ADAMTS17: variants seen among roughly 807,000 people sequenced by gnomAD.
ADAMTS17 encodes ADAM metallopeptidase with thrombospondin type 1 motif 17, also known as A disintegrin and metalloproteinase with thrombospondin motifs 17.
ADAMTS17 carries 113 observed loss-of-function variants against 141.5 expected under a neutral mutation model. The ratio of observed to expected loss-of-function variants is 0.80; its 90% CI spans 0.69 to 0.93. The LOEUF (loss-of-function observed/expected upper bound fraction) is 0.93, where lower values mean the gene tolerates loss of function less well. Ranked by LOEUF, ADAMTS17 falls within the 40% of genes least tolerant of loss-of-function variation. The pLI is 0.00. For missense variants in ADAMTS17, 1,659 were observed against 1,517.9 expected (o/e 1.09, Z -1.54); for synonymous variants, 768 against 630.6 (o/e 1.22, Z -3.27).
intron 3 of ADAMTS17, among the ~76,000 whole-genome samples, chr15:100,319,530 G>A (rs192287386): frequency 2.4e-4 from 36 of 152,238 alleles, no homozygotes; most frequent in Admixed American, 7.8e-4. Flanking sequence ...CCAACATGGC[G>A]AAACCCCGTC....
intron 7 of ADAMTS17, among the ~76,000 whole-genome samples, chr15:100,253,685 C>A (rs1269253383): frequency 6.6e-6 from 1 of 152,088 alleles, no homozygotes; most frequent in African/African-American, 2.4e-5. Flanking sequence ...GAAGAGATTG[C>A]ATGTCTTATA....
chr15:100,313,657 G>A (rs2045472460), intron 3 of ADAMTS17, among the ~76,000 whole-genome samples: 1 of 152,238 alleles, frequency 6.6e-6, no homozygotes, highest in Non-Finnish European at 1.5e-5. Context: ...TACAGCATGT[G>A]CCTCCTGATA....
At chr15:100,134,998 G>C (rs113310418) in intron 10 of ADAMTS17, among the ~76,000 whole-genome samples, 33 of 152,208 alleles carry the variant, frequency 2.2e-4, no homozygotes, top group African/African-American at 7.2e-4. Context: ...TGAGACTGTG[G>C]TGTCTGTGTG....
intron 3 of ADAMTS17, among the ~76,000 whole-genome samples, chr15:100,305,729 T>C (rs2045201739): frequency 6.6e-6 from 1 of 152,174 alleles, no homozygotes; most frequent in South Asian, 2.1e-4. Context: ...TCAAAACTCA[T>C]CACATTAGGC....
rs111988453 is a variant in ADAMTS17 at position 100,130,938 on chromosome 15, T to A, written c.1721+1069A>T. On this transcript the variant is annotated intron_variant, in intron 12 of 21. Transcript: ENST00000268070. Reference sequence around the variant, plus strand: ...AGCCATATGTTTATTGTGGCACTATTCACAATAGCAAAGACTTGGAACCAA... The same window carrying A: ...AGCCATATGTTTATTGTGGCACTATACACAATAGCAAAGACTTGGAACCAA... Among the ~76,000 whole-genome samples, 81 of 152,230 alleles carry A rather than the reference T, an allele frequency of 5.3e-4. 2 individuals are homozygous for A. The highest frequency in any genetic ancestry group is 1.8e-3 in the African/African-American group (73 of 41,516).
chr15:100,060,294 C>T (rs569118361), intron 15 of ADAMTS17, among the ~76,000 whole-genome samples: 53 of 152,338 alleles, frequency 3.5e-4, no homozygotes, highest in African/African-American at 1.2e-3. Flanking sequence ...GGGCACCACA[C>T]GGGTGGGTAC....
intron 10 of ADAMTS17, among the ~76,000 whole-genome samples, chr15:100,138,471 A>G (rs920827186): frequency 6.6e-6 from 1 of 152,260 alleles, no homozygotes; most frequent in African/African-American, 2.4e-5. Context: ...GAAACTGGAA[A>G]TAACATTTAA....
intron 18 of ADAMTS17, among the ~76,000 whole-genome samples, chr15:100,017,367 C>G (rs556946760): frequency 1.4e-4 from 22 of 152,326 alleles, no homozygotes; most frequent in African/African-American, 5.3e-4. Context: ...GCCCTCCCCC[C>G]AAGTTCTGGC....
At chr15:100,070,084 G>A (rs1007505645) in intron 15 of ADAMTS17, among the ~76,000 whole-genome samples, 10 of 149,878 alleles carry the variant, frequency 6.7e-5, no homozygotes, top group African/African-American at 2.5e-4. Context: ...AAAAGGCAGG[G>A]GTTGCAATCC....
intron 6 of ADAMTS17, chr15:100,256,741 AC>A (rs1449197499): frequency 2.0e-5 from 3 of 152,568 alleles, no homozygotes; most frequent in Non-Finnish European, 2.9e-5. Flanking sequence ...CACCCAGAGC[AC>A]AGGCCCAGGC....
intron 10 of ADAMTS17, among the ~76,000 whole-genome samples, chr15:100,140,133 C>G (rs145642930): frequency 2.0e-5 from 3 of 152,088 alleles, no homozygotes; most frequent in Admixed American, 6.5e-5. Context: ...GTAGCTGGGA[C>G]TACAGGCATG....
chr15:100,266,455 C>T (rs1334738999), intron 4 of ADAMTS17, among the ~76,000 whole-genome samples: 1 of 152,200 alleles, frequency 6.6e-6, no homozygotes, highest in Non-Finnish European at 1.5e-5. Flanking sequence ...TCCATTCCCC[C>T]AGGTAAGGGC....
At chr15:100,315,441 C>T (rs185417388) in intron 3 of ADAMTS17, among the ~76,000 whole-genome samples, 79 of 152,250 alleles carry the variant, frequency 5.2e-4, no homozygotes, top group African/African-American at 1.8e-3. Flanking sequence ...CTTAGGATCT[C>T]CAGTGCTCAG....
At chr15:100,214,338 C>CA (rs370983400) in intron 7 of ADAMTS17, among the ~76,000 whole-genome samples, 1 of 151,330 alleles carries the variant, frequency 6.6e-6, no homozygotes. Flanking sequence ...TTTAAAAGGC[C>CA]AAAAAAAGGG....
At chr15:99,991,297 C>A (rs2060685029) in intron 20 of ADAMTS17, among the ~76,000 whole-genome samples, 1 of 152,202 alleles carries the variant, frequency 6.6e-6, no homozygotes, top group African/African-American at 2.4e-5. Context: ...TATCCAGAAT[C>A]TACAAAGAAC....
At chr15:100,318,938 G>C (rs577258289) in intron 3 of ADAMTS17, among the ~76,000 whole-genome samples, 29 of 152,336 alleles carry the variant, frequency 1.9e-4, no homozygotes, top group Non-Finnish European at 3.1e-4. Flanking sequence ...GGATACCAGC[G>C]GGACATGGGC....
intron 17 of ADAMTS17, among the ~76,000 whole-genome samples, chr15:100,050,433 C>T (rs568381349): frequency 6.6e-6 from 1 of 152,070 alleles, no homozygotes; most frequent in East Asian, 1.9e-4. Flanking sequence ...GAAGGCCCCC[C>T]GGGGAGAGGT....
intron 10 of ADAMTS17, among the ~76,000 whole-genome samples, chr15:100,137,767 T>C (rs548313982): frequency 1.3e-5 from 2 of 152,206 alleles, no homozygotes; most frequent in East Asian, 1.9e-4. Flanking sequence ...CAAGGGTGGG[T>C]TCCCCAAAGG....
Position 100,143,503 on chromosome 15 carries a change from G to A in ADAMTS17, c.1473+9109C>T, listed in dbSNP as rs557213414. Among the ~76,000 whole-genome samples the A allele has an allele frequency of 7.2e-5, 11 of 152,256 alleles. No homozygotes were observed. The South Asian group carries it at 2.3e-3, about 32-fold the overall frequency. On this transcript the variant is annotated intron_variant, in intron 10 of 21. Coordinates refer to ENST00000268070, the MANE Select transcript of ADAMTS17 (RefSeq NM_139057.4). ...TATAACTTTATGTTTGGACTTTCTT[G>A]AAATGCTTTATTGAATTAAAAACAT...
Sources: gnomAD v4.1 joint callset for allele counts (sites outside exome capture counted in the v4.1 genomes callset) on GRCh38, gnomAD v4.1.1 for gene constraint, MANE v1.5 for transcripts, NCBI Gene and HGNC (gene_info 2026-07-23, HGNC 2026-07-21) for gene names.